Variants in MIPEP observed in about 807,000 individuals in gnomAD.
MIPEP encodes mitochondrial intermediate peptidase.
MIPEP carries 79 observed loss-of-function variants against 90.3 expected under a neutral mutation model. The observed-to-expected ratio is 0.87, with a 90% CI of 0.73 to 1.05. The LOEUF is 1.05. MIPEP is among the 50% of genes least tolerant of loss of function. The pLI, the probability that MIPEP is intolerant of heterozygous loss-of-function variation, is 0.00. For missense variants in MIPEP, 940 were observed against 905.6 expected (o/e 1.04, Z -0.49); for synonymous variants, 334 against 315.8 (o/e 1.06, Z -0.61).
chr13:23,858,901 G>A lies in MIPEP; in HGVS notation c.1065C>T (p.Pro355=). 6.2e-7 allele frequency: 1 copy of A among 1,613,392 alleles called. No individual in the cohort carries two copies. The highest frequency in any genetic ancestry group is 1.1e-5 in the South Asian group (1 of 91,050). The part of the protein sequence containing the change: ...KLNPQNSEVM[P]WDPPYYSGVI... The stretch of plus-strand genomic sequence containing the variant: ...CACCACTGTAGTAAGGGGGGTCCCA[G>A]GGCATTACTTCCTACAATGGAATAA... The change falls in exon 10 of 19, where the codon CCC becomes CCT. Residue 355 remains proline (P), a synonymous_variant. Coordinates refer to ENST00000382172, the MANE Select transcript of MIPEP (RefSeq NM_005932.4).
At chr13:23,802,296 C>A (rs534742895) in intron 16 of MIPEP, among the ~76,000 whole-genome samples, 1 of 152,088 alleles carries the variant, frequency 6.6e-6, no homozygotes. Flanking sequence ...TTCCAATGGC[C>A]GGGCATGGTG....
intron 16 of MIPEP, among the ~76,000 whole-genome samples, chr13:23,788,428 C>T (rs1469573346): frequency 2.0e-5 from 3 of 152,216 alleles, no homozygotes; most frequent in Non-Finnish European, 4.4e-5. Flanking sequence ...AACCCATGTT[C>T]TCAAGACCTC....
At chr13:23,778,676 T>C (rs1373651522) in intron 16 of MIPEP, among the ~76,000 whole-genome samples, 1 of 151,384 alleles carries the variant, frequency 6.6e-6, no homozygotes, top group African/African-American at 2.4e-5. Context: ...TTTTTTTCAA[T>C]TCCCCTTTCA....
chr13:23,741,832 A>T (rs921176181), intron 18 of MIPEP, among the ~76,000 whole-genome samples: 42 of 152,096 alleles, frequency 2.8e-4, no homozygotes, highest in Non-Finnish European at 4.9e-4. Context: ...ATTTAAAAAA[A>T]AAAAATAAAA....
At chr13:23,750,143 A>G (rs1417506339) in intron 18 of MIPEP, among the ~76,000 whole-genome samples, 1 of 152,180 alleles carries the variant, frequency 6.6e-6, no homozygotes, top group Non-Finnish European at 1.5e-5. Flanking sequence ...GATGGAGTCA[A>G]GAGAGTTCCT....
intron 15 of MIPEP, among the ~76,000 whole-genome samples, chr13:23,808,349 T>A (rs1415763706): frequency 6.6e-6 from 1 of 152,174 alleles, no homozygotes; most frequent in African/African-American, 2.4e-5. Context: ...TCCGCCCGCC[T>A]CGGCCTCCCA....
At chr13:23,778,713 C>CAATAATAATAATAAT (rs10687980) in intron 16 of MIPEP, among the ~76,000 whole-genome samples, 16 of 151,010 alleles carry the variant, frequency 1.1e-4, no homozygotes, top group African/African-American at 1.9e-4. Flanking sequence ...ATTATACTGA[C>CAATAATAATAATAAT]AATAATAATA....
chr13:23,806,403 C>A (rs145688357), intron 15 of MIPEP, among the ~76,000 whole-genome samples: 2 of 152,074 alleles, frequency 1.3e-5, no homozygotes, highest in African/African-American at 4.8e-5. Flanking sequence ...GAAGGCCAGG[C>A]GCGGTGGCTC....
intron 14 of MIPEP, among the ~76,000 whole-genome samples, chr13:23,815,397 C>T (rs927378633): frequency 6.6e-6 from 1 of 151,486 alleles, no homozygotes; most frequent in African/African-American, 2.4e-5. Flanking sequence ...CTCACTGCAA[C>T]TTCTGCCTCC....
intron 18 of MIPEP, among the ~76,000 whole-genome samples, chr13:23,741,600 A>G (rs571107744): frequency 6.6e-6 from 1 of 152,318 alleles, no homozygotes; most frequent in Admixed American, 6.5e-5. Flanking sequence ...GTTCTTATTT[A>G]TAAGTGGGAG....
At chr13:23,739,157 G>A (rs1177348790) in intron 18 of MIPEP, among the ~76,000 whole-genome samples, 1 of 152,208 alleles carries the variant, frequency 6.6e-6, no homozygotes, top group Non-Finnish European at 1.5e-5. Context: ...ACTGTTCAAA[G>A]TTATTGAGTA....
intron 16 of MIPEP, among the ~76,000 whole-genome samples, chr13:23,798,162 T>C (rs369089030): frequency 6.6e-6 from 1 of 152,254 alleles, no homozygotes; most frequent in East Asian, 1.9e-4. Context: ...AAGCAAATTA[T>C]TGTACAACTA....
At chr13:23,862,680 T>C (rs1471013422) in intron 8 of MIPEP, among the ~76,000 whole-genome samples, 1 of 152,240 alleles carries the variant, frequency 6.6e-6, no homozygotes, top group East Asian at 1.9e-4. Context: ...CACTACTTTT[T>C]GCTATACCTT....
At position 23,883,794 on chromosome 13, in the gene MIPEP, A is replaced by T. The variant is rs190206835; in HGVS notation, c.364-2007T>A. 2.6e-5 allele frequency among the ~76,000 whole-genome samples: 4 copies of T among 152,292 alleles called. No homozygotes were observed. The East Asian group carries it at 7.7e-4, about 29-fold the overall frequency. Reference sequence around the variant, plus strand: ...TTTCCTTTTCTGATTTCTGTGACACAATTAGGTGAACAGGGTATGAAACCT... The same window carrying T: ...TTTCCTTTTCTGATTTCTGTGACACTATTAGGTGAACAGGGTATGAAACCT... On this transcript the variant is annotated intron_variant, in intron 2 of 18. Coordinates refer to ENST00000382172, the MANE Select transcript of MIPEP (RefSeq NM_005932.4).
intron 11 of MIPEP, among the ~76,000 whole-genome samples, 181 bp from the exon 12 acceptor site, chr13:23,839,907 C>G (rs534985732): frequency 6.6e-6 from 1 of 152,278 alleles, no homozygotes; most frequent in East Asian, 1.9e-4. Context: ...TGCTCCATCT[C>G]TTGAATGATT....
At chr13:23,731,968 ATT>A (rs57109674) in intron 18 of MIPEP, among the ~76,000 whole-genome samples, 46,102 of 97,618 alleles carry the variant, frequency 0.47, 10,932 homozygotes, top group South Asian at 0.7. Context: ...AGAATAGCTA[ATT>A]TTTTTTTTTT....
chr13:23,781,202 G>A (rs1952778974), intron 16 of MIPEP, among the ~76,000 whole-genome samples: 1 of 152,180 alleles, frequency 6.6e-6, no homozygotes, highest in Non-Finnish European at 1.5e-5. Flanking sequence ...GGCAGCCAGA[G>A]AGAAAGGTCG....
intron 16 of MIPEP, among the ~76,000 whole-genome samples, chr13:23,799,271 A>G (rs1451481069): frequency 2.0e-5 from 3 of 151,726 alleles, no homozygotes; most frequent in African/African-American, 7.3e-5. Flanking sequence ...CGGCCTCCCA[A>G]AGTGCTAGGA....
intron 14 of MIPEP, 84 bp downstream of exon 14, chr13:23,836,156 C>A: frequency 2.6e-6 from 2 of 782,496 alleles, no homozygotes; most frequent in Non-Finnish European, 2.0e-6. Context: ...TTCTGAAAAG[C>A]AAGAAGAGTT....
Sources: gnomAD v4.1 joint callset for allele counts (sites outside exome capture counted in the v4.1 genomes callset) on GRCh38, gnomAD v4.1.1 for gene constraint, MANE v1.5 for transcripts, NCBI Gene and HGNC (gene_info 2026-07-23, HGNC 2026-07-21) for gene names.